ARFGEF1: variants seen among roughly 807,000 people sequenced by gnomAD.
The protein encoded by ARFGEF1 is brefeldin A-inhibited guanine nucleotide-exchange protein 1.
Under a neutral mutation model 231.0 loss-of-function variants are expected in ARFGEF1, and 42 were observed. That is an observed-to-expected ratio of 0.18 (90% CI 0.14 to 0.24). The LOEUF (loss-of-function observed/expected upper bound fraction) is 0.24. ARFGEF1 is among the 10% of genes least tolerant of loss of function. The pLI, the probability that ARFGEF1 is intolerant of heterozygous loss-of-function variation, is 1.00. For synonymous variants in ARFGEF1, 710 were observed against 732.3 expected, an observed-to-expected ratio of 0.97 and a Z score of 0.49; for missense variants, 1,345 against 2,192.0, an observed-to-expected ratio of 0.61 and a Z score of 7.72.
At chr8:67,288,845 C>G (rs1351446437) in intron 6 of ARFGEF1, among the ~76,000 whole-genome samples, 3 of 152,094 alleles carry the variant, frequency 2.0e-5, no homozygotes, top group African/African-American at 7.2e-5. Context: ...TTCCCCAGTA[C>G]TTTCTGGCCC....
chr8:67,340,452 G>A (rs774032889), intron 1 of ARFGEF1, among the ~76,000 whole-genome samples: 1 of 152,182 alleles, frequency 6.6e-6, no homozygotes, highest in Non-Finnish European at 1.5e-5. Context: ...AGACCAGAGC[G>A]GGCCTGGCCC....
chr8:67,210,945 C>T (rs572606097), intron 34 of ARFGEF1, among the ~76,000 whole-genome samples: 5 of 150,078 alleles, frequency 3.3e-5, no homozygotes, highest in Non-Finnish European at 5.9e-5. Context: ...CCCAGCTACT[C>T]GGGAGGCTGA....
Position 67,236,364 on chromosome 8 carries a change from AAATATATATATATATATATATAT to A in ARFGEF1, c.3289+1956_3289+1978del, listed in dbSNP as rs1210079270. 3.0e-3 allele frequency among the ~76,000 whole-genome samples: 112 copies of A among 36,756 alleles called. 3 individuals are homozygous for A. Among genetic ancestry groups the A allele is most frequent in the Non-Finnish European group, 4.6e-3 (96 of 21,080 alleles). 24.1% of individuals were successfully genotyped at this position (36,756 alleles called of 152,430 possible). Reference sequence around the variant, plus strand: ...AGATATTAGTTAAAAAAAAAAAAAAAAATATATATATATATATATATATATATATATATATATATATATATATG... The same window carrying A: ...AGATATTAGTTAAAAAAAAAAAAAAAATATATATATATATATATATATATG... On this transcript the variant is annotated intron_variant, in intron 22 of 38. Coordinates refer to ENST00000262215, the MANE Select transcript of ARFGEF1 (RefSeq NM_006421.5).
downstream of ARFGEF1, chr8:67,175,464 T>C (rs191548161): frequency 6.2e-7 from 1 of 1,613,352 alleles, no homozygotes; most frequent in East Asian, 2.2e-5. Context: ...CTGTGTCAAA[T>C]AGTATCAGCA....
chr8:67,320,952 T>C (rs1276101416), intron 1 of ARFGEF1, among the ~76,000 whole-genome samples: 1 of 151,168 alleles, frequency 6.6e-6, no homozygotes, highest in African/African-American at 2.4e-5. Flanking sequence ...TGAGATTCCA[T>C]CTCAAAAAAA....
At chr8:67,238,225 A>G (rs1839828524) in intron 22 of ARFGEF1, 118 bp downstream of exon 22, 2 of 1,097,424 alleles carry the variant, frequency 1.8e-6, no homozygotes, top group Admixed American at 3.0e-5. Context: ...GCTTTTTCTC[A>G]TAAGGTTAGA....
At chr8:67,327,278 G>T (rs1044607038) in intron 1 of ARFGEF1, among the ~76,000 whole-genome samples, 2 of 149,482 alleles carry the variant, frequency 1.3e-5, no homozygotes, top group African/African-American at 4.9e-5. Context: ...TGCATTTGTA[G>T]AAGTTCTTCA....
intron 19 of ARFGEF1, among the ~76,000 whole-genome samples, chr8:67,246,300 G>A (rs1270932098): frequency 2.7e-5 from 4 of 150,528 alleles, no homozygotes; most frequent in Non-Finnish European, 5.9e-5. Flanking sequence ...TCCAATGGCA[G>A]TAGCATACAC....
chr8:67,262,350 A>G (rs537709966), intron 14 of ARFGEF1, among the ~76,000 whole-genome samples: 2 of 152,104 alleles, frequency 1.3e-5, no homozygotes, highest in Admixed American at 1.3e-4. Flanking sequence ...CTGTAACCTC[A>G]TGATCAAACT....
intron 14 of ARFGEF1, among the ~76,000 whole-genome samples, chr8:67,265,601 T>C (rs1214230437): frequency 2.0e-5 from 3 of 152,032 alleles, no homozygotes; most frequent in African/African-American, 4.8e-5. Context: ...ATAACAAGAA[T>C]AGTACATTTG....
At chr8:67,190,763 T>C (rs926960566) in intron 5 of ARFGEF1, 61 of 1,588,750 alleles carry the variant, frequency 3.8e-5, no homozygotes, top group Non-Finnish European at 5.2e-5. Context: ...AGACATTGTA[T>C]GTATGAGACT....
chr8:67,314,850 C>T (rs1405669524), intron 1 of ARFGEF1, among the ~76,000 whole-genome samples: 2 of 152,038 alleles, frequency 1.3e-5, no homozygotes, highest in Non-Finnish European at 2.9e-5. Context: ...GTCGGGGCAA[C>T]GTAGCAGGAC....
At chr8:67,267,308 A>G (rs766705442) in intron 11 of ARFGEF1, 35 bp downstream of exon 11, 1 of 1,586,430 alleles carries the variant, frequency 6.3e-7, no homozygotes, top group Non-Finnish European at 8.6e-7. Context: ...ATCTAATAAT[A>G]AGAAAGAGAT....
chr8:67,187,003 ATCT>A (rs1834840912), intron 5 of ARFGEF1, among the ~76,000 whole-genome samples: 5 of 151,374 alleles, frequency 3.3e-5, no homozygotes, highest in African/African-American at 7.3e-5. Flanking sequence ...CTATCTATCT[ATCT>A]ATCTATCTAA....
chr8:67,217,226 C>G (rs531476624), intron 32 of ARFGEF1, among the ~76,000 whole-genome samples: 1 of 151,482 alleles, frequency 6.6e-6, no homozygotes, highest in East Asian at 1.9e-4. Context: ...ATCACTTGAA[C>G]CCAAGAGGCG....
intron 1 of ARFGEF1, among the ~76,000 whole-genome samples, chr8:67,340,283 G>A (rs910255232): frequency 3.3e-5 from 5 of 152,186 alleles, no homozygotes; most frequent in African/African-American, 7.2e-5. Context: ...AAGACAGACA[G>A]GTGGGTATTT....
At chr8:67,254,671 A>G (rs551646273) in intron 17 of ARFGEF1, among the ~76,000 whole-genome samples, 2 of 152,306 alleles carry the variant, frequency 1.3e-5, no homozygotes, top group East Asian at 3.9e-4. Context: ...AACAAAAACA[A>G]AAGTACAGAG....
chr8:67,238,219 T>C (rs1323936397), intron 22 of ARFGEF1, 124 bp downstream of exon 22: 1 of 1,040,904 alleles, frequency 9.6e-7, no homozygotes, highest in Non-Finnish European at 1.3e-6. Flanking sequence ...CATCTTGCTT[T>C]TTCTCATAAG....
intron 1 of ARFGEF1, 141 bp from the exon 2 acceptor site, chr8:67,302,607 A>G (rs947810956): frequency 5.9e-6 from 3 of 512,414 alleles, no homozygotes; most frequent in African/African-American, 3.9e-5. Flanking sequence ...AGATGCTAAA[A>G]TTGTTTCATC....
Sources: gnomAD v4.1 joint callset for allele counts (sites outside exome capture counted in the v4.1 genomes callset) on GRCh38, gnomAD v4.1.1 for gene constraint, MANE v1.5 for transcripts, NCBI Gene and HGNC (gene_info 2026-07-23, HGNC 2026-07-21) for gene names.